The following ZSCAN5A variants were observed in gnomAD, a reference collection of about 807,000 sequenced individuals.
ZSCAN5A encodes zinc finger and SCAN domain containing 5A.
Under a neutral mutation model 23.7 loss-of-function variants are expected in ZSCAN5A, and 12 were observed. The observed-to-expected ratio is 0.51, with a 90% CI of 0.32 to 0.82. ZSCAN5A has a LOEUF of 0.82. Ranked by LOEUF, ZSCAN5A falls within the 40% of genes least tolerant of loss-of-function variation. ZSCAN5A has a pLI of 0.03. For missense variants in ZSCAN5A, 597 were observed against 617.9 expected (o/e 0.97, Z 0.36); for synonymous variants, 257 against 239.9 (o/e 1.07, Z -0.66).
intron 2 of ZSCAN5A, among the ~76,000 whole-genome samples, chr19:56,298,651 CAA>C (rs35911666): frequency 0.16 from 22,634 of 138,798 alleles, 4,058 homozygotes; most frequent in African/African-American, 0.45. Context: ...GACTCCATCT[CAA>C]AAAAAAAAAA....
chr19:56,342,903 G>T lies in ZSCAN5A; in HGVS notation c.-358+20332C>A, dbSNP rs1330483134. ...CCACTTCAGGTAGTCTCCCCATCCT[G>T]AGGCACCTCAGAGCTCAGAGTTCCA... On this transcript the variant is annotated intron_variant, in intron 2 of 6. Transcript: ENST00000587340. 5.8e-6 allele frequency: 6 copies of T among 1,033,106 alleles called. No individual in the cohort carries two copies. The South Asian group carries it at 7.6e-5, about 13-fold the overall frequency. The allele number at this position is 1,033,106 out of a possible 1,614,324, so 64.0% of individuals were successfully genotyped here.
chr19:56,312,430 G>T (rs1472687596), intron 2 of ZSCAN5A: 2 of 152,166 alleles, frequency 1.3e-5, no homozygotes, highest in Non-Finnish European at 2.9e-5. Context: ...AGAACACCTA[G>T]TCCGTACACC....
chr19:56,244,387 G>A (rs1229820176), intron 2 of ZSCAN5A: 5 of 1,575,012 alleles, frequency 3.2e-6, no homozygotes, highest in Admixed American at 1.8e-5. Context: ...GCAAAGACCT[G>A]GAGGACCTGC....
chr19:56,263,307 T>TAGCC (rs2037249618), intron 2 of ZSCAN5A: 1 of 152,240 alleles, frequency 6.6e-6, no homozygotes, highest in Admixed American at 6.6e-5. Context: ...TTATGAGGAA[T>TAGCC]AGCCCTCCAA....
intron 2 of ZSCAN5A, among the ~76,000 whole-genome samples, chr19:56,262,644 C>T (rs1163910709): frequency 6.6e-6 from 1 of 150,390 alleles, no homozygotes; most frequent in African/African-American, 2.4e-5. Flanking sequence ...GTTAGCCACA[C>T]TGGTCTCGAA....
At chr19:56,275,879 T>C (rs112359631) in intron 2 of ZSCAN5A, among the ~76,000 whole-genome samples, 2 of 152,208 alleles carry the variant, frequency 1.3e-5, no homozygotes, top group Non-Finnish European at 2.9e-5. Context: ...GTTGGTTGGA[T>C]GGATGATGAA....
intron 2 of ZSCAN5A, among the ~76,000 whole-genome samples, chr19:56,259,405 C>G (rs1298439748): frequency 6.6e-6 from 1 of 152,126 alleles, no homozygotes; most frequent in Non-Finnish European, 1.5e-5. Flanking sequence ...TACCTGGACC[C>G]TCGTACGATT....
chr19:56,260,933 C>T (rs909173698), intron 2 of ZSCAN5A, among the ~76,000 whole-genome samples: 2 of 152,078 alleles, frequency 1.3e-5, no homozygotes, highest in African/African-American at 2.4e-5. Flanking sequence ...TGTGGCTGGG[C>T]GTGGTGGCTC....
At chr19:56,255,621 T>TC (rs2036642428) in intron 2 of ZSCAN5A, among the ~76,000 whole-genome samples, 2 of 151,840 alleles carry the variant, frequency 1.3e-5, no homozygotes, top group African/African-American at 4.8e-5. Context: ...TTTTTTTTTT[T>TC]CTCCCTCAAA....
intron 2 of ZSCAN5A, among the ~76,000 whole-genome samples, chr19:56,329,607 G>C (rs2041471151): frequency 6.6e-6 from 1 of 151,420 alleles, no homozygotes; most frequent in African/African-American, 2.4e-5. Context: ...AATTGGAGTA[G>C]AAATTATTGA....
chr19:56,304,770 C>T (rs1215773522), intron 2 of ZSCAN5A: 3 of 985,012 alleles, frequency 3.0e-6, no homozygotes, highest in Non-Finnish European at 1.2e-6. Flanking sequence ...TTCTCTGTTC[C>T]CAGTTCACTT....
At chr19:56,280,989 C>T (rs1022418739) in intron 2 of ZSCAN5A, among the ~76,000 whole-genome samples, 12 of 152,196 alleles carry the variant, frequency 7.9e-5, no homozygotes, top group African/African-American at 2.9e-4. Context: ...TAACTTTTGA[C>T]TTCCCCAAAA....
intron 2 of ZSCAN5A, chr19:56,298,162 A>C (rs2040001583): frequency 6.6e-6 from 1 of 152,200 alleles, no homozygotes; most frequent in African/African-American, 2.4e-5. Flanking sequence ...ACAAGAAAAA[A>C]TAGAGGAGAA....
At chr19:56,330,425 G>A (rs1390820051) in intron 2 of ZSCAN5A, among the ~76,000 whole-genome samples, 2 of 152,148 alleles carry the variant, frequency 1.3e-5, no homozygotes, top group African/African-American at 2.4e-5. Context: ...TTTCATAGTG[G>A]CTGAACTAAT....
At chr19:56,325,013 G>A (rs1333912721) in intron 2 of ZSCAN5A, among the ~76,000 whole-genome samples, 3 of 152,228 alleles carry the variant, frequency 2.0e-5, no homozygotes, top group East Asian at 3.8e-4. Context: ...CCCAGACTGC[G>A]TTGAAGCTTC....
chr19:56,304,147 TGA>T, intron 2 of ZSCAN5A, among the ~76,000 whole-genome samples: 1 of 152,078 alleles, frequency 6.6e-6, no homozygotes, highest in African/African-American at 2.4e-5. Context: ...GCAGACAGAC[TGA>T]GAGGAGGAGA....
At chr19:56,350,227 C>A (rs2041659126) in intron 2 of ZSCAN5A, among the ~76,000 whole-genome samples, 1 of 152,176 alleles carries the variant, frequency 6.6e-6, no homozygotes, top group African/African-American at 2.4e-5. Context: ...GTTATACCAT[C>A]ACTAAGTTTG....
In ZSCAN5A at chr19:56,300,550, C is replaced by T. The variant is rs548192370; in HGVS notation, c.-128+12733G>A. Among the ~76,000 whole-genome samples, 4 of 152,196 alleles carry T rather than the reference C, an allele frequency of 2.6e-5. No individual in the cohort carries two copies. In the East Asian group the frequency reaches 7.7e-4, roughly 29 times the overall value. ...GTTTCGAGGTCCTTGAAAACACCCT[C>T]CTGGGTCATAATGCTGGCCGCAGGC... On this transcript the variant is annotated intron_variant, in intron 2 of 5. Transcript: ENST00000683990.
chr19:56,222,076 C>G lies in ZSCAN5A; in HGVS notation c.990G>C (p.Met330Ile), dbSNP rs1315890203. ...CAGGGCCTGGGGAATGAATTGAATT[C>G]ATCCCAGCTTGTCCCGGGGATTCTC... ...GNRESPGQAGMNSIHSPGPAS... is the reference protein window; with the variant it reads ...GNRESPGQAGINSIHSPGPAS... The change falls in exon 6 of 6, where the codon ATG (methionine) becomes ATC (isoleucine). Residue 330 changes from methionine (M) to isoleucine (I), a missense_variant. Coordinates refer to ENST00000683990, the MANE Select transcript of ZSCAN5A (RefSeq NM_001322064.3). 22 of 1,613,972 alleles carry G rather than the reference C, an allele frequency of 1.4e-5. No homozygotes were observed. Among genetic ancestry groups the G allele is most frequent in the African/African-American group, 4.0e-5 (3 of 74,926 alleles).
Sources: allele counts gnomAD v4.1 joint callset (sites outside exome capture counted in the v4.1 genomes callset), GRCh38; gene constraint gnomAD v4.1.1; transcripts MANE v1.5; gene names NCBI Gene and HGNC (gene_info 2026-07-23, HGNC 2026-07-21).